The following DGKI variants were observed in gnomAD, a reference collection of about 807,000 sequenced individuals.
The protein encoded by DGKI is diacylglycerol kinase iota, also known as DAG kinase iota.
Under a neutral mutation model 147.5 loss-of-function variants are expected in DGKI, and 55 were observed. The ratio of observed to expected loss-of-function variants is 0.37; its 90% CI spans 0.30 to 0.47. DGKI has a LOEUF of 0.47. Among genes scored for constraint, DGKI ranks in the 20% least tolerant of loss-of-function variants. The pLI, the probability that DGKI is intolerant of heterozygous loss-of-function variation, is 1.00. For synonymous variants in DGKI, 469 were observed against 477.1 expected (o/e 0.98, Z 0.22); for missense variants, 1,007 against 1,323.8 (o/e 0.76, Z 3.71).
At chr7:137,483,727 GA>G (rs1266537178) in intron 23 of DGKI, among the ~76,000 whole-genome samples, 1 of 152,078 alleles carries the variant, frequency 6.6e-6, no homozygotes, top group African/African-American at 2.4e-5. Context: ...TAAGTTTGCT[GA>G]GGATAATGGC....
intron 6 of DGKI, among the ~76,000 whole-genome samples, chr7:137,625,776 T>A (rs1820916678): frequency 2.6e-5 from 4 of 151,946 alleles, no homozygotes; most frequent in Admixed American, 2.6e-4. Context: ...AAAAGAAACT[T>A]TTTGCACCAA....
chr7:137,465,861 G>T, intron 26 of DGKI, 47 bp downstream of exon 26: 1 of 1,588,944 alleles, frequency 6.3e-7, no homozygotes, highest in Non-Finnish European at 8.6e-7. Flanking sequence ...ACCAGACATG[G>T]ATGTCACCCT....
At chr7:137,480,466 G>C (rs1351059996) in intron 23 of DGKI, among the ~76,000 whole-genome samples, 1 of 152,136 alleles carries the variant, frequency 6.6e-6, no homozygotes, top group African/African-American at 2.4e-5. Flanking sequence ...GGAAAATGCT[G>C]TTTGCCTAGA....
chr7:137,605,714 AC>A (rs1820160859), intron 10 of DGKI, among the ~76,000 whole-genome samples: 1 of 152,228 alleles, frequency 6.6e-6, no homozygotes, highest in Non-Finnish European at 1.5e-5. Context: ...GCACAGAAAG[AC>A]AAAAATTGAC....
intron 24 of DGKI, among the ~76,000 whole-genome samples, chr7:137,467,311 C>T (rs1399213517): frequency 6.6e-6 from 1 of 152,212 alleles, no homozygotes; most frequent in African/African-American, 2.4e-5. Context: ...ACTATCTTCA[C>T]AGATAACCAT....
intron 1 of DGKI, among the ~76,000 whole-genome samples, chr7:137,726,606 TTTC>T (rs1331661718): frequency 6.6e-6 from 1 of 152,222 alleles, no homozygotes; most frequent in Non-Finnish European, 1.5e-5. Flanking sequence ...GATCATGAGC[TTTC>T]TTCTTCTGGA....
At chr7:137,689,500 T>TG (rs1336873959) in intron 2 of DGKI, among the ~76,000 whole-genome samples, 1 of 152,116 alleles carries the variant, frequency 6.6e-6, no homozygotes, top group Admixed American at 6.5e-5. Flanking sequence ...TGTAATCCTC[T>TG]GGGAAAAAAA....
chr7:137,428,724 G>T (rs556472921), intron 28 of DGKI, among the ~76,000 whole-genome samples: 6 of 152,062 alleles, frequency 3.9e-5, no homozygotes, highest in African/African-American at 1.4e-4. Context: ...CAAAATCAAT[G>T]TACAAAAATC....
At chr7:137,832,200 T>C (rs1787753211) in intron 1 of DGKI, among the ~76,000 whole-genome samples, 1 of 152,216 alleles carries the variant, frequency 6.6e-6, no homozygotes, top group African/African-American at 2.4e-5. Context: ...TGAAGGACAG[T>C]GGCCCTCTTC....
intron 1 of DGKI, among the ~76,000 whole-genome samples, chr7:137,805,629 A>G (rs1462607504): frequency 6.6e-6 from 1 of 152,142 alleles, no homozygotes; most frequent in Non-Finnish European, 1.5e-5. Flanking sequence ...TGAATATAAA[A>G]CCCTGCCATA....
chr7:137,732,036 A>C (rs145242531), intron 1 of DGKI, among the ~76,000 whole-genome samples: 1 of 152,202 alleles, frequency 6.6e-6, no homozygotes, highest in East Asian at 1.9e-4. Context: ...AATCCACTAG[A>C]AGTTCTTGAG....
At chr7:137,845,899 T>G (rs1798700576) in intron 1 of DGKI, among the ~76,000 whole-genome samples, 1 of 152,040 alleles carries the variant, frequency 6.6e-6, no homozygotes, top group Admixed American at 6.5e-5. Context: ...TCTTCCTTCA[T>G]GGGGGATTTC....
In DGKI at chr7:137,501,723, A is replaced by C. The variant is rs114401212; in HGVS notation, c.2249-14034T>G. ...GCCAATGAAAATTCACAACAGATGG[A>C]ACTCTGAGGTTAACACACATGCCAA... On this transcript the variant is annotated intron_variant, in intron 21 of 32. Transcript: ENST00000614521. 4.0e-3 allele frequency among the ~76,000 whole-genome samples: 613 copies of C among 152,258 alleles called. 5 individuals carry two copies. Among genetic ancestry groups the C allele is most frequent in the African/African-American group, 0.014 (586 of 41,536 alleles).
intron 5 of DGKI, among the ~76,000 whole-genome samples, chr7:137,646,193 C>T (rs1821818603): frequency 6.6e-6 from 1 of 152,082 alleles, no homozygotes; most frequent in South Asian, 2.1e-4. Flanking sequence ...GACACTATAC[C>T]AAACATTCTA....
intron 19 of DGKI, among the ~76,000 whole-genome samples, chr7:137,569,139 T>TAG (rs1818693521): frequency 6.6e-6 from 1 of 152,060 alleles, no homozygotes; most frequent in Admixed American, 6.5e-5. Flanking sequence ...CAGGGAAGGC[T>TAG]AGAGAACCAG....
At chr7:137,797,017 T>C (rs1339837250) in intron 1 of DGKI, among the ~76,000 whole-genome samples, 1 of 152,156 alleles carries the variant, frequency 6.6e-6, no homozygotes, top group Non-Finnish European at 1.5e-5. Flanking sequence ...TTTAATATAG[T>C]TAAACTGTCA....
chr7:137,518,629 T>G (rs1042613650), intron 21 of DGKI, among the ~76,000 whole-genome samples: 1 of 152,106 alleles, frequency 6.6e-6, no homozygotes, highest in Non-Finnish European at 1.5e-5. Context: ...TGCTTGTGTT[T>G]TAAACCCTAG....
chr7:137,677,174 A>G (rs1426720977), intron 3 of DGKI, among the ~76,000 whole-genome samples: 3 of 152,264 alleles, frequency 2.0e-5, no homozygotes, highest in African/African-American at 7.2e-5. Flanking sequence ...ACATATGCAT[A>G]AAGTTGAAAT....
chr7:137,582,972 T>C (rs1236708773), intron 14 of DGKI, among the ~76,000 whole-genome samples: 4 of 152,174 alleles, frequency 2.6e-5, no homozygotes, highest in Admixed American at 2.0e-4. Context: ...ATAAGTGTTT[T>C]AACCCTCAAG....
Sources: gnomAD v4.1 joint callset for allele counts (sites outside exome capture counted in the v4.1 genomes callset) on GRCh38, gnomAD v4.1.1 for gene constraint, MANE v1.5 for transcripts, NCBI Gene and HGNC (gene_info 2026-07-23, HGNC 2026-07-21) for gene names.